The following CTNNA2 variants were observed in gnomAD, a reference collection of about 807,000 sequenced individuals.
The protein encoded by CTNNA2 is catenin alpha 2.
A neutral mutation model predicts 101.0 loss-of-function variants in CTNNA2; 42 were observed. The ratio of observed to expected loss-of-function variants is 0.42; its 90% CI spans 0.32 to 0.54. The LOEUF (loss-of-function observed/expected upper bound fraction) is 0.54, where lower values mean the gene tolerates loss of function less well. Ranked by LOEUF, CTNNA2 falls within the 20% of genes least tolerant of loss-of-function variation. The pLI is 0.14. For missense variants in CTNNA2, 871 were observed against 1,223.1 expected (o/e 0.71, Z 4.29); for synonymous variants, 450 against 456.4 (o/e 0.99, Z 0.18).
chr2:79,305,030 T>G (rs1322214617), intron 2 of CTNNA2, among the ~76,000 whole-genome samples: 1 of 151,956 alleles, frequency 6.6e-6, no homozygotes, highest in South Asian at 2.1e-4. Context: ...AAGACTATAG[T>G]GGGGTTTTGT....
rs549467225 is a variant in CTNNA2 at position 79,846,490 on chromosome 2, C to T, written c.299-11523C>T. On this transcript the variant is annotated intron_variant, in intron 3 of 18. Coordinates refer to ENST00000402739, the MANE Select transcript of CTNNA2 (RefSeq NM_001282597.3). Reference sequence around the variant, plus strand: ...TTTACTAATGAAAATTTGGAGATGCCGTAATGACTTACAAATACATACACA... The same window carrying T: ...TTTACTAATGAAAATTTGGAGATGCTGTAATGACTTACAAATACATACACA... 1.8e-4 allele frequency among the ~76,000 whole-genome samples: 28 copies of T among 152,188 alleles called. No homozygotes were observed. In the East Asian group the frequency reaches 4.2e-3, roughly 23 times the overall value.
intron 17 of CTNNA2, among the ~76,000 whole-genome samples, chr2:80,616,262 A>G (rs1380760433): frequency 2.0e-5 from 3 of 151,726 alleles, no homozygotes; most frequent in Admixed American, 6.6e-5. Context: ...AAATTTCTGT[A>G]TGTGAGACGC....
intron 4 of CTNNA2, among the ~76,000 whole-genome samples, chr2:79,424,134 G>T (rs1252917692): frequency 6.6e-6 from 1 of 152,110 alleles, no homozygotes; most frequent in African/African-American, 2.4e-5. Flanking sequence ...TGAGGGACCG[G>T]TTCAGCCAGA....
intron 9 of CTNNA2, among the ~76,000 whole-genome samples, chr2:80,461,135 A>G (rs1460495280): frequency 6.6e-6 from 1 of 152,048 alleles, no homozygotes; most frequent in Non-Finnish European, 1.5e-5. Flanking sequence ...ATCTTTTCCT[A>G]CTCCCATTTG....
At chr2:79,964,860 G>A (rs188817135) in intron 7 of CTNNA2, among the ~76,000 whole-genome samples, 28 of 152,106 alleles carry the variant, frequency 1.8e-4, no homozygotes, top group African/African-American at 6.8e-4. Flanking sequence ...TGATAACCCA[G>A]GGATCCCCTT....
At position 79,713,004 on chromosome 2, in the gene CTNNA2, A is replaced by G. The variant is rs530439919; in HGVS notation, c.103-31383A>G. ...ATTCATCAACAGATTTTTAAACAGC[A>G]TGTATGTGAGTCCTCAGGGGAAAAA... On this transcript the variant is annotated intron_variant, in intron 2 of 18. Coordinates refer to ENST00000402739, the MANE Select transcript of CTNNA2 (RefSeq NM_001282597.3). 9.6e-4 allele frequency among the ~76,000 whole-genome samples: 147 copies of G among 152,350 alleles called. 1 individual carries two copies. The highest frequency in any genetic ancestry group is 3.4e-3 in the African/African-American group (141 of 41,586).
intron 7 of CTNNA2, among the ~76,000 whole-genome samples, chr2:80,317,239 T>C (rs1473457046): frequency 6.6e-6 from 1 of 152,160 alleles, no homozygotes; most frequent in Non-Finnish European, 1.5e-5. Flanking sequence ...TTTTTATAAA[T>C]GTTGACAAAC....
chr2:79,563,046 A>G (rs185875672), intron 1 of CTNNA2, among the ~76,000 whole-genome samples: 1 of 152,050 alleles, frequency 6.6e-6, no homozygotes, highest in African/African-American at 2.4e-5. Context: ...TCATGGCATT[A>G]TGATAGCTAA....
chr2:80,242,023 G>A (rs1369589879), intron 7 of CTNNA2, among the ~76,000 whole-genome samples: 3 of 152,140 alleles, frequency 2.0e-5, no homozygotes, highest in African/African-American at 7.2e-5. Flanking sequence ...TAGAAAGAAT[G>A]TTTTAGCAAT....
In CTNNA2 at chr2:79,324,647, C is replaced by A. The variant is rs530569091; in HGVS notation, c.-318+11851C>A. On this transcript the variant is annotated intron_variant, in intron 3 of 21. Transcript: ENST00000466387. ...AAGCTTCCCAGGAAACTGAGCATTT[C>A]TTTTCTATGCCCCCAGGAACTGTGG... Among the ~76,000 whole-genome samples, 4 of 152,196 alleles carry A rather than the reference C, an allele frequency of 2.6e-5. No homozygotes were observed. In the South Asian group the frequency reaches 8.3e-4, roughly 32 times the overall value.
At chr2:79,301,332 C>T (rs965507237) in intron 2 of CTNNA2, among the ~76,000 whole-genome samples, 6 of 152,178 alleles carry the variant, frequency 3.9e-5, no homozygotes, top group African/African-American at 1.4e-4. Flanking sequence ...ACACAGTTTA[C>T]AGATACTCCT....
At chr2:80,256,242 C>T (rs1347204518) in intron 7 of CTNNA2, among the ~76,000 whole-genome samples, 5 of 152,024 alleles carry the variant, frequency 3.3e-5, no homozygotes, top group Non-Finnish European at 7.4e-5. Flanking sequence ...TCCCCTGTGT[C>T]AGGGGAAATT....
chr2:79,593,209 T>C (rs1389308607), intron 1 of CTNNA2, among the ~76,000 whole-genome samples: 3 of 152,218 alleles, frequency 2.0e-5, no homozygotes, highest in Admixed American at 6.5e-5. Flanking sequence ...TGAATGACTC[T>C]AATGAGTACT....
intron 3 of CTNNA2, among the ~76,000 whole-genome samples, chr2:79,809,548 A>T (rs984444448): frequency 6.6e-5 from 10 of 152,098 alleles, no homozygotes; most frequent in African/African-American, 2.4e-4. Flanking sequence ...AGTGATGGTG[A>T]GCTTTTTTTC....
chr2:80,091,957 A>T (rs980236167), intron 7 of CTNNA2, among the ~76,000 whole-genome samples: 1 of 151,988 alleles, frequency 6.6e-6, no homozygotes, highest in Admixed American at 6.6e-5. Context: ...GACATACCCC[A>T]TGTTTGTTAC....
At chr2:79,568,138 A>G (rs1159614604) in intron 1 of CTNNA2, among the ~76,000 whole-genome samples, 1 of 152,098 alleles carries the variant, frequency 6.6e-6, no homozygotes, top group Non-Finnish European at 1.5e-5. Context: ...TCTCCTTTGT[A>G]TCTATTCCCC....
chr2:79,463,831 AGC>A (rs1175940644), intron 4 of CTNNA2, among the ~76,000 whole-genome samples: 10 of 152,226 alleles, frequency 6.6e-5, no homozygotes, highest in Non-Finnish European at 1.5e-4. Context: ...CAAGCACTCT[AGC>A]GCCACTTATT....
intron 7 of CTNNA2, among the ~76,000 whole-genome samples, chr2:80,063,886 T>C (rs1180700604): frequency 6.6e-6 from 1 of 152,226 alleles, no homozygotes. Context: ...CCTAGTTATT[T>C]GATATGGATC....
At chr2:80,609,208 C>A (rs1039082173) in intron 17 of CTNNA2, among the ~76,000 whole-genome samples, 1 of 151,738 alleles carries the variant, frequency 6.6e-6, no homozygotes, top group South Asian at 2.1e-4. Flanking sequence ...GTGGTGAATA[C>A]CTTATGAAAA....
Sources: allele counts gnomAD v4.1 joint callset (sites outside exome capture counted in the v4.1 genomes callset), GRCh38; gene constraint gnomAD v4.1.1; transcripts MANE v1.5; gene names NCBI Gene and HGNC (gene_info 2026-07-23, HGNC 2026-07-21).